TMEM132D: variants seen among roughly 807,000 people sequenced by gnomAD.
The protein encoded by TMEM132D is mature OL transmembrane protein.
A neutral mutation model predicts 62.3 loss-of-function variants in TMEM132D; 21 were observed. The ratio of observed to expected loss-of-function variants is 0.34; its 90% CI spans 0.24 to 0.49. The LOEUF is 0.49. Among genes scored for constraint, TMEM132D ranks in the 20% least tolerant of loss-of-function variants. TMEM132D has a pLI of 0.99. For missense variants in TMEM132D, 1,346 were observed against 1,402.8 expected (o/e 0.96, Z 0.65); for synonymous variants, 621 against 575.6 (o/e 1.08, Z -1.13).
chr12:129,215,565 C>T (rs1355323371), intron 4 of TMEM132D, among the ~76,000 whole-genome samples: 1 of 152,120 alleles, frequency 6.6e-6, no homozygotes, highest in East Asian at 1.9e-4. Context: ...TCTTCCTGCC[C>T]ACTAGGCACA....
chr12:129,550,258 TA>T (rs2137105106), intron 2 of TMEM132D, among the ~76,000 whole-genome samples: 1 of 152,186 alleles, frequency 6.6e-6, no homozygotes, highest in African/African-American at 2.4e-5. Context: ...ATTTTTACAC[TA>T]AAAAACCCTG....
At chr12:129,841,860 T>C (rs1412291025) in intron 1 of TMEM132D, among the ~76,000 whole-genome samples, 1 of 151,186 alleles carries the variant, frequency 6.6e-6, no homozygotes, top group African/African-American at 2.4e-5. Context: ...AATTAAGTAA[T>C]AATAGTAATG....
intron 1 of TMEM132D, among the ~76,000 whole-genome samples, chr12:129,718,272 G>A (rs1165046938): frequency 6.6e-6 from 1 of 152,174 alleles, no homozygotes; most frequent in Non-Finnish European, 1.5e-5. Flanking sequence ...ACCAAGGCTG[G>A]GTCACATGCC....
chr12:129,091,779 G>A (rs1874925719), intron 5 of TMEM132D, among the ~76,000 whole-genome samples: 1 of 152,230 alleles, frequency 6.6e-6, no homozygotes, highest in Non-Finnish European at 1.5e-5. Context: ...CCCATGAGTG[G>A]ACCTGGCCCC....
At chr12:129,437,058 T>G (rs768840516) in intron 3 of TMEM132D, among the ~76,000 whole-genome samples, 2 of 152,192 alleles carry the variant, frequency 1.3e-5, no homozygotes, top group Non-Finnish European at 2.9e-5. Flanking sequence ...TGGATTTAAG[T>G]TGGGGACATG....
chr12:129,081,889 A>C lies in TMEM132D; in HGVS notation c.1793T>G (p.Leu598Arg). ...AGPGGHLAHL[L>R]GSDWQVDITE... ...GATGTCCACTTGCCAGTCTGAGCCC[A>C]GCAGGTGGGCCAGGTGTCCCCCAGG... Residue 598 changes from leucine to arginine, a missense_variant, in exon 7 of 9, where the codon CTG becomes CGG. By Grantham distance (102) the Leu-to-Arg change is moderately radical (BLOSUM62 -2). Transcript: ENST00000422113. The C allele has an allele frequency of 6.2e-7, 1 of 1,614,094 alleles. No homozygotes were observed. Among genetic ancestry groups the C allele is most frequent in the Non-Finnish European group, 8.5e-7 (1 of 1,180,024 alleles).
chr12:129,241,609 C>T (rs917316400), intron 4 of TMEM132D, among the ~76,000 whole-genome samples: 1 of 152,164 alleles, frequency 6.6e-6, no homozygotes, highest in Non-Finnish European at 1.5e-5. Flanking sequence ...GAGAAGTCTC[C>T]TCTGACTTCT....
intron 3 of TMEM132D, among the ~76,000 whole-genome samples, chr12:129,520,198 C>T (rs77111987): frequency 0.015 from 2,267 of 152,198 alleles, 71 homozygotes; most frequent in East Asian, 0.15. Context: ...ACTCTCTTTC[C>T]AACTGTGCGT....
At chr12:129,570,590 A>G (rs577021829) in intron 2 of TMEM132D, among the ~76,000 whole-genome samples, 1 of 152,210 alleles carries the variant, frequency 6.6e-6, no homozygotes, top group South Asian at 2.1e-4. Flanking sequence ...GGCAAATGTA[A>G]CTGCCACAGG....
intron 8 of TMEM132D, among the ~76,000 whole-genome samples, chr12:129,077,920 CACA>C (rs1343924183): frequency 6.6e-6 from 1 of 152,122 alleles, no homozygotes; most frequent in Non-Finnish European, 1.5e-5. Context: ...CACATAGACA[CACA>C]ACACACATAT....
intron 5 of TMEM132D, among the ~76,000 whole-genome samples, chr12:129,163,019 G>A (rs1877444237): frequency 6.6e-6 from 1 of 152,150 alleles, no homozygotes; most frequent in African/African-American, 2.4e-5. Flanking sequence ...AGGTGCAACA[G>A]CAGCAGGGAA....
chr12:129,136,789 C>CCGTCACCAT (rs1565975431), intron 5 of TMEM132D, among the ~76,000 whole-genome samples: 3 of 129,938 alleles, frequency 2.3e-5, no homozygotes, highest in African/African-American at 8.4e-5. Flanking sequence ...ACCATCATCA[C>CCGTCACCAT]CATCACCATC....
intron 2 of TMEM132D, chr12:129,683,172 C>A (rs1355120719): frequency 6.6e-6 from 1 of 151,730 alleles, no homozygotes; most frequent in African/African-American, 2.4e-5. Context: ...TCAGTGACTG[C>A]CTTCCTATTT....
At chr12:129,173,229 A>G (rs954829079) in intron 5 of TMEM132D, among the ~76,000 whole-genome samples, 3 of 152,230 alleles carry the variant, frequency 2.0e-5, no homozygotes, top group Non-Finnish European at 4.4e-5. Flanking sequence ...AACAAATGCA[A>G]TATCTTGGAA....
chr12:129,176,208 C>T (rs930672211), intron 5 of TMEM132D, among the ~76,000 whole-genome samples: 13 of 152,192 alleles, frequency 8.5e-5, no homozygotes, highest in Admixed American at 2.6e-4. Context: ...CCATTCTTGC[C>T]TTTGCCACCA....
intron 4 of TMEM132D, among the ~76,000 whole-genome samples, chr12:129,316,027 C>T (rs181684444): frequency 2.0e-4 from 30 of 152,186 alleles, no homozygotes; most frequent in Admixed American, 2.6e-4. Flanking sequence ...TGGATTTTCT[C>T]GCTTCTCTTC....
chr12:129,831,486 C>G (rs1331277961), intron 1 of TMEM132D, among the ~76,000 whole-genome samples: 1 of 152,186 alleles, frequency 6.6e-6, no homozygotes, highest in Non-Finnish European at 1.5e-5. Context: ...CTTCTGATCC[C>G]GGATGGGGAT....
intron 2 of TMEM132D, among the ~76,000 whole-genome samples, chr12:129,535,449 C>A (rs1190355239): frequency 6.6e-6 from 1 of 152,196 alleles, no homozygotes; most frequent in Non-Finnish European, 1.5e-5. Flanking sequence ...CACCAGGGGA[C>A]TCCAAATGAT....
intron 3 of TMEM132D, among the ~76,000 whole-genome samples, chr12:129,428,001 A>G (rs954023879): frequency 1.3e-5 from 2 of 152,160 alleles, no homozygotes; most frequent in African/African-American, 2.4e-5. Flanking sequence ...GGAAATTTAC[A>G]CTTCTATAAA....
Sources: allele counts gnomAD v4.1 joint callset (sites outside exome capture counted in the v4.1 genomes callset), GRCh38; gene constraint gnomAD v4.1.1; transcripts MANE v1.5; gene names NCBI Gene and HGNC (gene_info 2026-07-23, HGNC 2026-07-21).